Variants in COL24A1 observed in about 807,000 individuals in gnomAD.
COL24A1 encodes collagen type XXIV alpha 1 chain, also known as collagen alpha-1(XXIV) chain.
In COL24A1, 224 loss-of-function variants were observed where a neutral mutation model predicts 253.9. That is an observed-to-expected ratio of 0.88 (90% CI 0.79 to 0.99). COL24A1 has a LOEUF of 0.99. COL24A1 is among the 50% of genes least tolerant of loss of function. COL24A1 has a pLI of 0.00. For missense variants in COL24A1, 2,131 were observed against 2,068.5 expected, an observed-to-expected ratio of 1.03 and a Z score of -0.59; for synonymous variants, 685 against 673.7, an observed-to-expected ratio of 1.02 and a Z score of -0.26.
chr1:85,848,084 A>G (rs990688638), intron 38 of COL24A1, among the ~76,000 whole-genome samples: 2 of 152,154 alleles, frequency 1.3e-5, no homozygotes, highest in African/African-American at 4.8e-5. Flanking sequence ...TGTTGTTACT[A>G]TAAGAAATCA....
intron 53 of COL24A1, among the ~76,000 whole-genome samples, chr1:85,775,237 A>C (rs1668416221): frequency 6.6e-6 from 1 of 152,152 alleles, no homozygotes; most frequent in African/African-American, 2.4e-5. Flanking sequence ...TCTGAGAGAC[A>C]GTTTGTTGTG....
Position 85,841,280 on chromosome 1 carries a change from TA to T in COL24A1, c.3571-3del. The T allele has an allele frequency of 6.3e-7, 1 of 1,587,658 alleles. No individual in the cohort carries two copies. The highest frequency in any genetic ancestry group is 8.6e-7 in the Non-Finnish European group (1 of 1,166,424). On this transcript the variant is annotated splice_polypyrimidine_tract_variant and splice_region_variant and intron_variant, in intron 41 of 59. Transcript: ENST00000370571. Reference sequence around the variant, plus strand: ...TGTGCTATCTTCTCCTGGGTAGCCCTAAAATGAAATAATGATTTATAAACAA... The same window carrying T: ...TGTGCTATCTTCTCCTGGGTAGCCCTAAATGAAATAATGATTTATAAACAA...
chr1:85,895,132 CTA>C (rs1234253799), intron 31 of COL24A1, among the ~76,000 whole-genome samples: 4 of 152,036 alleles, frequency 2.6e-5, no homozygotes, highest in South Asian at 2.1e-4. Flanking sequence ...TCTTACATGT[CTA>C]TGTGTAAGTA....
chr1:86,040,639 T>C (rs993936215), intron 12 of COL24A1, among the ~76,000 whole-genome samples: 19 of 152,054 alleles, frequency 1.2e-4, no homozygotes, highest in Non-Finnish European at 1.8e-4. Context: ...TTAGTGTCTA[T>C]GCCAACCCTG....
chr1:86,073,431 T>G (rs531145140), intron 7 of COL24A1, among the ~76,000 whole-genome samples: 1 of 152,160 alleles, frequency 6.6e-6, no homozygotes, highest in South Asian at 2.1e-4. Context: ...GAAAAAAGAA[T>G]GAAAAGGAAT....
intron 47 of COL24A1, among the ~76,000 whole-genome samples, chr1:85,815,717 T>C (rs569730878): frequency 7.9e-5 from 12 of 152,078 alleles, no homozygotes; most frequent in Admixed American, 7.2e-4. Context: ...ACTTATTACC[T>C]AAGAAAAGAG....
chr1:86,133,690 G>A (rs1445326034), intron 2 of COL24A1, among the ~76,000 whole-genome samples: 1 of 152,170 alleles, frequency 6.6e-6, no homozygotes, highest in Non-Finnish European at 1.5e-5. Flanking sequence ...TTGCATCCCA[G>A]GGATGAGGCC....
In COL24A1 at chr1:85,812,314, G is replaced by A. The variant is rs115409331; in HGVS notation, c.3951+4474C>T. Among the ~76,000 whole-genome samples, 901 of 152,306 alleles carry A rather than the reference G, an allele frequency of 5.9e-3. 4 individuals are homozygous for A. Among genetic ancestry groups the A allele is most frequent in the Non-Finnish European group, 9.0e-3 (613 of 68,018 alleles). On this transcript the variant is annotated intron_variant, in intron 47 of 59. Transcript: ENST00000370571. ...CCATTGCTTTGACATTGCTCCTTCA[G>A]CTTTCCTAGAGAATTCCCTTTACCA...
At chr1:85,873,828 T>TTAAAA (rs1553208872) in intron 35 of COL24A1, among the ~76,000 whole-genome samples, 11 of 148,480 alleles carry the variant, frequency 7.4e-5, no homozygotes, top group African/African-American at 2.7e-4. Flanking sequence ...TTAAAATACA[T>TTAAAA]AAAAAAAAAA....
In COL24A1 at chr1:86,059,317, G is replaced by A. The variant is rs75832041; in HGVS notation, c.1753-143C>T. The A allele has an allele frequency of 4.4e-3, 2,160 of 489,712 alleles. 40 individuals are homozygous for A. Among genetic ancestry groups the A allele is most frequent in the African/African-American group, 0.039 (1,935 of 49,720 alleles). 30.3% of individuals were successfully genotyped at this position (489,712 alleles called of 1,614,324 possible). A position where few individuals can be genotyped will look rare whatever the true frequency, so the allele number is the denominator to read the frequency against. On this transcript the variant is annotated intron_variant, in intron 8 of 59. Coordinates refer to ENST00000370571, the MANE Select transcript of COL24A1 (RefSeq NM_152890.7). ...GGCTTATGTAACTGAAATCACCTAC[G>A]TGAAGGAAAATGGACAAAAATTGCT... is the stretch of plus-strand genomic sequence containing the variant.
In COL24A1 at chr1:85,744,755, A is replaced by C; in HGVS notation, c.4583T>G (p.Leu1528Trp). 1 of 1,610,230 alleles carries C rather than the reference A, an allele frequency of 6.2e-7. No homozygotes were observed. Among genetic ancestry groups the C allele is most frequent in the Non-Finnish European group, 8.5e-7 (1 of 1,178,886 alleles). Reference protein sequence around the residue: ...FKTLNYLSNLLHSIKNPLGTR... With the variant: ...FKTLNYLSNLWHSIKNPLGTR... Reference sequence around the variant, plus strand: ...GCCAAGAGGATTCTTGATGCTGTGCAATAAATTGCTAAGGTAGTTCAGGGT... The same window carrying C: ...GCCAAGAGGATTCTTGATGCTGTGCCATAAATTGCTAAGGTAGTTCAGGGT... Residue 1528 changes from leucine (L) to tryptophan (W), a missense_variant, in exon 57 of 60, where the codon TTG (leucine) becomes TGG (tryptophan). Coordinates refer to ENST00000370571, the MANE Select transcript of COL24A1 (RefSeq NM_152890.7).
chr1:85,972,310 A>T (rs994872071), intron 20 of COL24A1, among the ~76,000 whole-genome samples: 9 of 139,688 alleles, frequency 6.4e-5, no homozygotes, highest in African/African-American at 2.3e-4. Context: ...GAAATGCAAC[A>T]GAGTGACAAA....
intron 19 of COL24A1, 152 bp downstream of exon 19, chr1:86,016,999 A>G (rs1697052911): frequency 2.8e-6 from 2 of 702,248 alleles, no homozygotes; most frequent in Non-Finnish European, 4.6e-6. Flanking sequence ...ACCTCGTGAC[A>G]TAACAGAAAA....
intron 51 of COL24A1, among the ~76,000 whole-genome samples, 168 bp from the exon 52 acceptor site, chr1:85,781,441 G>T (rs1212645457): frequency 6.6e-6 from 1 of 152,040 alleles, no homozygotes; most frequent in Non-Finnish European, 1.5e-5. Context: ...TTAACAGTAT[G>T]TGACACAATT....
intron 37 of COL24A1, among the ~76,000 whole-genome samples, chr1:85,861,532 T>C (rs1272155866): frequency 6.6e-6 from 1 of 152,168 alleles, no homozygotes; most frequent in Non-Finnish European, 1.5e-5. Flanking sequence ...AGCTCTTACA[T>C]TTAGGTCTAT....
chr1:85,962,328 G>A (rs1449004885), intron 23 of COL24A1, among the ~76,000 whole-genome samples: 1 of 152,112 alleles, frequency 6.6e-6, no homozygotes, highest in African/African-American at 2.4e-5. Flanking sequence ...CAACTCATTT[G>A]GTGGCAAACT....
intron 11 of COL24A1, among the ~76,000 whole-genome samples, chr1:86,048,214 T>A (rs1348443185): frequency 6.6e-6 from 1 of 152,192 alleles, no homozygotes; most frequent in Non-Finnish European, 1.5e-5. Flanking sequence ...GTTTCATATG[T>A]GTACATATGT....
At position 85,830,330 on chromosome 1, in the gene COL24A1, G is replaced by A. The variant is rs1336794491; in HGVS notation, c.3682-6592C>T. 3.3e-5 allele frequency among the ~76,000 whole-genome samples: 5 copies of A among 152,096 alleles called. 1 individual carries two copies. Among genetic ancestry groups the A allele is most frequent in the Non-Finnish European group, 7.4e-5 (5 of 68,010 alleles). ...GAGAACCACTGCTCTCTTCAAAGCTGTCAGACAGGGACATTTAAGTCTGCA... is the reference window on the plus strand; with the variant it reads ...GAGAACCACTGCTCTCTTCAAAGCTATCAGACAGGGACATTTAAGTCTGCA... On this transcript the variant is annotated intron_variant, in intron 43 of 59. Coordinates refer to ENST00000370571, the MANE Select transcript of COL24A1 (RefSeq NM_152890.7).
intron 31 of COL24A1, among the ~76,000 whole-genome samples, chr1:85,890,518 G>T (rs142298060): frequency 6.6e-6 from 1 of 150,498 alleles, no homozygotes; most frequent in African/African-American, 2.4e-5. Context: ...CTTTTCATGT[G>T]CTTACTGGCC....
Sources: allele counts gnomAD v4.1 joint callset (sites outside exome capture counted in the v4.1 genomes callset), GRCh38; gene constraint gnomAD v4.1.1; transcripts MANE v1.5; gene names NCBI Gene and HGNC (gene_info 2026-07-23, HGNC 2026-07-21).